Variants in PHLDB3 observed in about 807,000 individuals in gnomAD.
The protein encoded by PHLDB3 is pleckstrin homology like domain family B member 3, also known as pleckstrin homology-like domain family B member 3.
A neutral mutation model predicts 85.7 loss-of-function variants in PHLDB3; 86 were observed. The ratio of observed to expected loss-of-function variants is 1.00; its 90% confidence interval spans 0.84 to 1.20. The LOEUF is 1.20. Among genes scored for constraint, PHLDB3 ranks in the 50% most tolerant of loss-of-function variants. The pLI is 0.00. For missense variants in PHLDB3, 995 were observed against 873.0 expected (o/e 1.14, Z -1.76); for synonymous variants, 376 against 349.8 (o/e 1.07, Z -0.83).
chr19:43,484,274 A>G (rs1472687573), intron 13 of PHLDB3, among the ~76,000 whole-genome samples: 1 of 151,606 alleles, frequency 6.6e-6, no homozygotes, highest in Non-Finnish European at 1.5e-5. Context: ...AAAAAGGAAA[A>G]GAAAAATAAT....
intron 9 of PHLDB3, among the ~76,000 whole-genome samples, chr19:43,494,072 G>A (rs944529634): frequency 3.9e-5 from 6 of 152,184 alleles, no homozygotes; most frequent in Non-Finnish European, 8.8e-5. Flanking sequence ...TCACTCTGTC[G>A]CCTAGGCTGG....
intron 8 of PHLDB3, 72 bp downstream of exon 8, chr19:43,495,184 G>T (rs1971422670): frequency 6.9e-7 from 1 of 1,449,014 alleles, no homozygotes. Flanking sequence ...TGCGTCTGAG[G>T]GAGGAGGGGC....
intron 5 of PHLDB3, among the ~76,000 whole-genome samples, chr19:43,497,532 T>A (rs1374107151): frequency 6.6e-6 from 1 of 151,964 alleles, no homozygotes; most frequent in Non-Finnish European, 1.5e-5. Context: ...GCCAAAATAG[T>A]GAAACCCCGT....
intron 9 of PHLDB3, among the ~76,000 whole-genome samples, chr19:43,494,292 G>A (rs549762775): frequency 2.0e-5 from 3 of 152,256 alleles, no homozygotes; most frequent in South Asian, 2.1e-4. Flanking sequence ...TTACAGGCAT[G>A]AGCCACCATG....
At position 43,497,806 on chromosome 19, in the gene PHLDB3, C is replaced by G. The variant is rs749143988; in HGVS notation, c.605G>C (p.Gly202Ala). 9.6e-6 allele frequency: 15 copies of G among 1,561,110 alleles called. No individual in the cohort carries two copies. The South Asian group carries it at 1.3e-4, about 14-fold the overall frequency. Residue 202 changes from glycine to alanine, a missense_variant, in exon 5 of 16, where the codon GGA becomes GCA. Transcript: ENST00000292140. ...GLRQRLRKAQ[G>A]QLDSQPEDQR... ...GTCCTCTGGCTGTGAGTCGAGCTGTCCCTGGGCCTTGCGGAGTCTCTGGCG... is the reference window on the plus strand; with the variant it reads ...GTCCTCTGGCTGTGAGTCGAGCTGTGCCTGGGCCTTGCGGAGTCTCTGGCG...
intron 4 of PHLDB3, among the ~76,000 whole-genome samples, chr19:43,499,897 G>A (rs1027124630): frequency 4.3e-4 from 66 of 152,036 alleles, no homozygotes; most frequent in Non-Finnish European, 2.6e-4. Context: ...CTGCCACCAC[G>A]CCCAGCTAAT....
At chr19:43,500,103 G>T (rs1470845158) in intron 4 of PHLDB3, among the ~76,000 whole-genome samples, 1 of 152,118 alleles carries the variant, frequency 6.6e-6, no homozygotes, top group African/African-American at 2.4e-5. Flanking sequence ...CCCGGGCATG[G>T]TGGTGCATGC....
intron 13 of PHLDB3, among the ~76,000 whole-genome samples, chr19:43,484,715 A>G (rs932437594): frequency 2.6e-5 from 4 of 152,178 alleles, no homozygotes; most frequent in African/African-American, 9.7e-5. Context: ...TCTGTCCCCC[A>G]AAAAACAAGC....
At chr19:43,496,714 A>C in intron 6 of PHLDB3, 1 of 214,194 alleles carries the variant, frequency 4.7e-6, no homozygotes, top group Non-Finnish European at 9.1e-6. Context: ...TGGAGGCTGC[A>C]GTGAGCTGTG....
chr19:43,478,070 C>A lies in PHLDB3; in HGVS notation c.1765G>T (p.Asp589Tyr). ...YFQAIEEVYY[D>Y]HLRCAFKSPN... ...ACCTTGAAGGCACAGCGTAAGTGGTCATAATAGACTTCCTCAATGGCCTGG... is the reference window on the plus strand; with the variant it reads ...ACCTTGAAGGCACAGCGTAAGTGGTAATAATAGACTTCCTCAATGGCCTGG... Residue 589 changes from aspartate to tyrosine, a missense_variant, in exon 15 of 16, where the codon GAC (aspartate) becomes TAC (tyrosine). Coordinates refer to ENST00000292140, the MANE Select transcript of PHLDB3 (RefSeq NM_198850.4). The A allele has an allele frequency of 6.2e-7, 1 of 1,613,342 alleles. No homozygotes were observed. Among genetic ancestry groups the A allele is most frequent in the South Asian group, 1.1e-5 (1 of 91,012 alleles).
At chr19:43,478,712 G>A (rs911447150) in intron 14 of PHLDB3, among the ~76,000 whole-genome samples, 2 of 152,016 alleles carry the variant, frequency 1.3e-5, no homozygotes, top group Non-Finnish European at 1.5e-5. Context: ...TCAGGAGATC[G>A]AGACCATCCT....
At position 43,486,266 on chromosome 19, in the gene PHLDB3, C is replaced by G; in HGVS notation, c.1485G>C (p.Thr495=). 1 of 1,610,180 alleles carries G rather than the reference C, an allele frequency of 6.2e-7. No individual in the cohort carries two copies. ...GSSGPAVPAI[T]APPTPPHPPG... ...GCGTGAGGGCGGGGGTGGGACTGAC[C>G]GTGATGGCAGGAACAGCAGGGCCTG... Residue 495 remains threonine (T), a splice_region_variant and synonymous_variant, in exon 13 of 16, where the codon ACG becomes ACC. Transcript: ENST00000292140.
chr19:43,504,225 C>CA (rs397690458), intron 1 of PHLDB3, 93 bp from the exon 2 acceptor site: 3 of 1,172,198 alleles, frequency 2.6e-6, no homozygotes, highest in African/African-American at 1.6e-5. Context: ...GACCCCCCCC[C>CA]AAGGAGGCGG....
intron 9 of PHLDB3, among the ~76,000 whole-genome samples, chr19:43,487,574 CAAAAA>C (rs760708749): frequency 2.6e-5 from 1 of 38,532 alleles, no homozygotes; most frequent in Admixed American, 2.7e-4. Context: ...GACTCTGTCT[CAAAAA>C]AAAAAAAAAA....
At chr19:43,503,846 C>A in intron 2 of PHLDB3, 60 bp downstream of exon 2, 6 of 1,600,308 alleles carry the variant, frequency 3.7e-6, no homozygotes, top group Non-Finnish European at 5.1e-6. Context: ...ACCTGTCTGG[C>A]CACCTGTTTG....
intron 9 of PHLDB3, among the ~76,000 whole-genome samples, chr19:43,487,592 A>AAAAAAAAAAAAAAAAAC (rs1555754906): frequency 7.7e-6 from 1 of 129,378 alleles, no homozygotes; most frequent in East Asian, 2.3e-4. Context: ...AAAAAAAAAA[A>AAAAAAAAAAAAAAAAAC]CACAGAAAAG....
chr19:43,500,923 C>CCCCCCCCCCCCCCCCCCCA (rs1555757872), intron 4 of PHLDB3, among the ~76,000 whole-genome samples: 1 of 105,760 alleles, frequency 9.5e-6, no homozygotes. Flanking sequence ...CCCCCCCACC[C>CCCCCCCCCCCCCCCCCCCA]CGCAAGTACT....
intron 5 of PHLDB3, 39 bp downstream of exon 5, chr19:43,497,709 C>T (rs1258136118): frequency 6.5e-7 from 1 of 1,543,196 alleles, no homozygotes; most frequent in Non-Finnish European, 8.7e-7. Flanking sequence ...GAGACTCTGT[C>T]TCAAAAAAAA....
rs757647746 is a variant in PHLDB3 at position 43,502,160 on chromosome 19, C to G, written c.337G>C (p.Ala113Pro). The change falls in exon 3 of 16, where the codon GCC becomes CCC. Residue 113 changes from alanine to proline, a missense_variant. Ala to Pro is a conservative substitution (Grantham distance 27). Coordinates refer to ENST00000292140, the MANE Select transcript of PHLDB3 (RefSeq NM_198850.4). Reference protein sequence around the residue: ...GQQLEALTRVALMEQRVKELQ... With the variant: ...GQQLEALTRVPLMEQRVKELQ... ...TCCTTCACTCGCTGCTCCATCAGGG[C>G]CACACGAGTCAATGCCTCCAGCTGC... is the stretch of plus-strand genomic sequence containing the variant. The G allele has an allele frequency of 6.3e-7, 1 of 1,580,956 alleles. No individual in the cohort carries two copies. The highest frequency in any genetic ancestry group is 8.6e-7 in the Non-Finnish European group (1 of 1,164,112).
Sources: allele counts gnomAD v4.1 joint callset (sites outside exome capture counted in the v4.1 genomes callset), GRCh38; gene constraint gnomAD v4.1.1; transcripts MANE v1.5; gene names NCBI Gene and HGNC (gene_info 2026-07-23, HGNC 2026-07-21).